Variants in SEMA6A observed in about 807,000 individuals in gnomAD.
The protein encoded by SEMA6A is semaphorin 6A, also known as semaphorin-6A.
Under a neutral mutation model 96.8 loss-of-function variants are expected in SEMA6A, and 25 were observed. The observed-to-expected ratio is 0.26, with a 90% CI of 0.19 to 0.36. The LOEUF (loss-of-function observed/expected upper bound fraction) is 0.36, where lower values mean the gene tolerates loss of function less well. Among genes scored for constraint, SEMA6A ranks in the 10% least tolerant of loss-of-function variants. The probability of loss-of-function intolerance (pLI) is 1.00; values close to 1 mark genes in which losing one functional copy is unlikely to be tolerated. For synonymous variants in SEMA6A, 612 were observed against 518.0 expected (o/e 1.18, Z -2.46); for missense variants, 1,363 against 1,323.1 (o/e 1.03, Z -0.47).
intron 4 of SEMA6A, 131 bp downstream of exon 4, chr5:116,497,196 T>C: frequency 1.7e-6 from 1 of 589,346 alleles, no homozygotes; most frequent in East Asian, 2.9e-5. Context: ...TAATTAGGAT[T>C]TCACAAAATG....
intron 1 of SEMA6A, among the ~76,000 whole-genome samples, chr5:116,516,827 T>C (rs888881340): frequency 1.3e-5 from 2 of 152,240 alleles, no homozygotes; most frequent in African/African-American, 2.4e-5. Flanking sequence ...TTTGTTTGAA[T>C]GTCTCTACCA....
chr5:116,465,998 TCGGGATG>T (rs1755708186), intron 18 of SEMA6A, among the ~76,000 whole-genome samples: 1 of 147,014 alleles, frequency 6.8e-6, no homozygotes, highest in Admixed American at 6.9e-5. Flanking sequence ...TGGAGCTTTC[TCGGGATG>T]GAAAGAGCAG....
chr5:116,447,992 T>C (rs1485428328), intron 18 of SEMA6A, among the ~76,000 whole-genome samples, 181 bp from the exon 19 acceptor site: 1 of 152,072 alleles, frequency 6.6e-6, no homozygotes, highest in Admixed American at 6.5e-5. Flanking sequence ...GCCCCTCGTG[T>C]GCAGTATGTA....
At chr5:116,473,619 C>T (rs932588000) in intron 16 of SEMA6A, among the ~76,000 whole-genome samples, 2 of 152,202 alleles carry the variant, frequency 1.3e-5, no homozygotes, top group Non-Finnish European at 2.9e-5. Flanking sequence ...TGGGTGTGTG[C>T]TGTGTGTTGG....
At chr5:116,526,031 C>T (rs1759207308) in intron 1 of SEMA6A, among the ~76,000 whole-genome samples, 1 of 151,998 alleles carries the variant, frequency 6.6e-6, no homozygotes, top group Non-Finnish European at 1.5e-5. Flanking sequence ...ATAAACTGCC[C>T]CTAACAGAAA....
At chr5:116,562,613 C>T (rs1760862555) in intron 1 of SEMA6A, 1 of 695,538 alleles carries the variant, frequency 1.4e-6, no homozygotes, top group Non-Finnish European at 2.7e-6. Flanking sequence ...CAGCCTCTGA[C>T]CTCAGGTGGC....
At chr5:116,485,463 T>C (rs1757005358) in intron 10 of SEMA6A, among the ~76,000 whole-genome samples, 1 of 152,204 alleles carries the variant, frequency 6.6e-6, no homozygotes, top group African/African-American at 2.4e-5. Flanking sequence ...AGTCTAAAAA[T>C]CCCTACAGAT....
At position 116,452,493 on chromosome 5, in the gene SEMA6A, T is replaced by C. The variant is rs143997014; in HGVS notation, c.1895-4682A>G. On this transcript the variant is annotated intron_variant, in intron 18 of 18. Coordinates refer to ENST00000343348, the MANE Select transcript of SEMA6A (RefSeq NM_020796.5). ...AGACCTCAGAGAGGAAATTTGAAGT[T>C]CTTTAGAGTCCAAAGCAATGAAAAG... Among the ~76,000 whole-genome samples, 450 of 151,924 alleles carry C rather than the reference T, an allele frequency of 3.0e-3. 7 individuals carry two copies. The highest frequency in any genetic ancestry group is 0.01 in the African/African-American group (432 of 41,386).
chr5:116,533,994 C>G (rs1759604006), intron 1 of SEMA6A, among the ~76,000 whole-genome samples: 1 of 152,226 alleles, frequency 6.6e-6, no homozygotes, highest in Admixed American at 6.5e-5. Flanking sequence ...TCTCCCTATT[C>G]CAAACGAACC....
In SEMA6A at chr5:116,444,292, T is replaced by C. The variant is rs1265735198; in HGVS notation, c.*2321A>G. On this transcript the variant is annotated 3_prime_UTR_variant, in exon 19 of 19. Coordinates refer to ENST00000343348, the MANE Select transcript of SEMA6A (RefSeq NM_020796.5). ...TACTCCTAAACAACAGCAAAACTAA[T>C]GGACTTTTGGAACAAAGGGCTCTCA... 3 of 151,266 alleles carry C rather than the reference T, an allele frequency of 2.0e-5. No homozygotes were observed. The highest frequency in any genetic ancestry group is 4.4e-5 in the Non-Finnish European group (3 of 67,918). The allele number at this position is 151,266 out of a possible 1,614,324, so 9.4% of individuals were successfully genotyped here.
intron 17 of SEMA6A, chr5:116,472,752 A>C: frequency 3.1e-6 from 2 of 638,564 alleles, no homozygotes; most frequent in South Asian, 2.6e-5. Context: ...GAAATTAATA[A>C]ATAATTTTAG....
intron 1 of SEMA6A, among the ~76,000 whole-genome samples, chr5:116,519,746 A>C (rs948718094): frequency 6.6e-6 from 1 of 152,140 alleles, no homozygotes; most frequent in Non-Finnish European, 1.5e-5. Flanking sequence ...ACTGTGAGTT[A>C]AGAGGACCAA....
At chr5:116,556,062 G>T (rs1760593485) in intron 1 of SEMA6A, among the ~76,000 whole-genome samples, 1 of 151,766 alleles carries the variant, frequency 6.6e-6, no homozygotes, top group Non-Finnish European at 1.5e-5. Context: ...GGCACCATGG[G>T]CCTGATAAAC....
intron 12 of SEMA6A, among the ~76,000 whole-genome samples, chr5:116,479,024 C>T (rs1756618303): frequency 6.6e-6 from 1 of 151,926 alleles, no homozygotes; most frequent in South Asian, 2.1e-4. Flanking sequence ...TAATCCCCTT[C>T]ATGAACAAGG....
chr5:116,475,287 A>G (rs1756390566), intron 16 of SEMA6A, among the ~76,000 whole-genome samples: 1 of 152,208 alleles, frequency 6.6e-6, no homozygotes, highest in African/African-American at 2.4e-5. Context: ...CTTTGCTACA[A>G]TTAATATCCT....
intron 18 of SEMA6A, among the ~76,000 whole-genome samples, chr5:116,457,914 T>C (rs1329532499): frequency 6.6e-6 from 1 of 152,142 alleles, no homozygotes; most frequent in Non-Finnish European, 1.5e-5. Flanking sequence ...CTTTCCAGGA[T>C]AATGGCATGC....
chr5:116,522,827 G>T (rs182810028), intron 1 of SEMA6A, among the ~76,000 whole-genome samples: 87 of 152,038 alleles, frequency 5.7e-4, no homozygotes, highest in African/African-American at 2.1e-3. Context: ...ATTTCCTATG[G>T]CAAAGGAAGC....
chr5:116,509,900 A>G (rs1014533189), intron 1 of SEMA6A, among the ~76,000 whole-genome samples: 5 of 152,054 alleles, frequency 3.3e-5, no homozygotes, highest in Admixed American at 6.5e-5. Context: ...GGGGCAAGTG[A>G]CCTTTCCAAA....
At chr5:116,447,832 G>A (rs1175918616) in intron 18 of SEMA6A, 21 bp from the exon 19 acceptor site, 1 of 1,538,562 alleles carries the variant, frequency 6.5e-7, no homozygotes. Flanking sequence ...CATCGCATAT[G>A]GCGTTAAGAA....
Sources: allele counts gnomAD v4.1 joint callset (sites outside exome capture counted in the v4.1 genomes callset), GRCh38; gene constraint gnomAD v4.1.1; transcripts MANE v1.5; gene names NCBI Gene and HGNC (gene_info 2026-07-23, HGNC 2026-07-21).